Variants in DPP10 observed in about 807,000 individuals in gnomAD.
DPP10 encodes the protein dipeptidyl peptidase like 10, also known as inactive dipeptidyl peptidase 10.
In DPP10, 33 loss-of-function variants were observed where a neutral mutation model predicts 120.9. That is an observed-to-expected ratio of 0.27 (90% CI 0.21 to 0.37). The LOEUF (loss-of-function observed/expected upper bound fraction) is 0.37. Ranked by LOEUF, DPP10 falls within the 10% of genes least tolerant of loss-of-function variation. The probability of loss-of-function intolerance (pLI) is 1.00; values close to 1 mark genes in which losing one functional copy is unlikely to be tolerated. For synonymous variants in DPP10, 337 were observed against 326.1 expected (o/e 1.03, Z -0.36); for missense variants, 816 against 942.8 (o/e 0.87, Z 1.76).
intron 5 of DPP10, among the ~76,000 whole-genome samples, chr2:115,560,592 T>G: frequency 6.8e-6 from 1 of 148,022 alleles, no homozygotes; most frequent in Admixed American, 6.8e-5. Flanking sequence ...CCTAGGTAGT[T>G]TGGTAGTTTC....
intron 3 of DPP10, among the ~76,000 whole-genome samples, chr2:115,344,486 C>G (rs1424759842): frequency 6.6e-6 from 1 of 151,730 alleles, no homozygotes; most frequent in Non-Finnish European, 1.5e-5. Context: ...TGTGGCTTTT[C>G]TTTTTAAGCT....
At chr2:114,544,529 T>C (rs1272419150) in intron 1 of DPP10, among the ~76,000 whole-genome samples, 1 of 152,194 alleles carries the variant, frequency 6.6e-6, no homozygotes, top group Non-Finnish European at 1.5e-5. Context: ...AAGAAGGTGA[T>C]ATTGTTAATG....
chr2:115,594,081 A>G (rs1274569746), intron 5 of DPP10, among the ~76,000 whole-genome samples: 1 of 152,148 alleles, frequency 6.6e-6, no homozygotes, highest in Admixed American at 6.5e-5. Flanking sequence ...CTGCAAAGTA[A>G]CCATGTAGAC....
intron 3 of DPP10, among the ~76,000 whole-genome samples, chr2:115,485,597 G>T (rs2075729488): frequency 1.3e-5 from 2 of 151,778 alleles, no homozygotes; most frequent in African/African-American, 4.8e-5. Flanking sequence ...TTACTTTATG[G>T]TTTAATTATA....
intron 1 of DPP10, among the ~76,000 whole-genome samples, chr2:114,956,366 A>G (rs575852064): frequency 6.6e-6 from 1 of 152,030 alleles, no homozygotes; most frequent in Admixed American, 6.6e-5. Flanking sequence ...AATTTAAAAA[A>G]AAAACATGTA....
intron 2 of DPP10, among the ~76,000 whole-genome samples, chr2:115,323,407 C>T (rs1454628070): frequency 6.6e-6 from 1 of 152,198 alleles, no homozygotes; most frequent in Non-Finnish European, 1.5e-5. Flanking sequence ...ATTTCCTGCA[C>T]TGAAGTCTTG....
intron 1 of DPP10, among the ~76,000 whole-genome samples, chr2:114,718,650 T>A (rs958449857): frequency 1.3e-5 from 2 of 152,094 alleles, no homozygotes; most frequent in Admixed American, 6.6e-5. Flanking sequence ...GTTAAACAAA[T>A]CTGTTCAAGG....
intron 1 of DPP10, among the ~76,000 whole-genome samples, chr2:114,997,041 G>C (rs940966430): frequency 1.3e-5 from 2 of 151,526 alleles, no homozygotes; most frequent in African/African-American, 4.9e-5. Flanking sequence ...TTTTCTGAGG[G>C]GGTCATTGGG....
chr2:114,847,815 T>C (rs1688661127), intron 1 of DPP10, among the ~76,000 whole-genome samples: 2 of 152,186 alleles, frequency 1.3e-5, no homozygotes, highest in South Asian at 4.1e-4. Flanking sequence ...AAATAAATAA[T>C]AAGACAGTGC....
chr2:114,821,727 A>C (rs1686104115), intron 1 of DPP10, among the ~76,000 whole-genome samples: 1 of 152,204 alleles, frequency 6.6e-6, no homozygotes, highest in South Asian at 2.1e-4. Context: ...ATTGGCCAAA[A>C]CAAAGGGGCT....
intron 1 of DPP10, among the ~76,000 whole-genome samples, chr2:114,739,303 C>A (rs1040899229): frequency 6.6e-6 from 1 of 152,088 alleles, no homozygotes; most frequent in African/African-American, 2.4e-5. Flanking sequence ...CATCATTTGT[C>A]AATTCATATA....
intron 1 of DPP10, among the ~76,000 whole-genome samples, chr2:115,165,654 G>C (rs547989595): frequency 2.2e-4 from 34 of 152,138 alleles, no homozygotes; most frequent in Non-Finnish European, 4.4e-4. Context: ...TGTTAAATGA[G>C]TATATATATA....
intron 1 of DPP10, among the ~76,000 whole-genome samples, chr2:115,244,407 T>C (rs2058438826): frequency 6.6e-6 from 1 of 151,860 alleles, no homozygotes; most frequent in African/African-American, 2.4e-5. Flanking sequence ...AATATAAAAA[T>C]GTTTCTGGCA....
chr2:114,601,761 A>AT (rs1219282517), intron 1 of DPP10, among the ~76,000 whole-genome samples: 1 of 151,914 alleles, frequency 6.6e-6, no homozygotes, highest in Non-Finnish European at 1.5e-5. Context: ...TATTTGGAAA[A>AT]TTGATGAGGG....
At chr2:115,070,618 T>C (rs1180227994) in intron 1 of DPP10, among the ~76,000 whole-genome samples, 1 of 152,188 alleles carries the variant, frequency 6.6e-6, no homozygotes, top group African/African-American at 2.4e-5. Flanking sequence ...TACCATAGTA[T>C]TGACTATCAA....
intron 1 of DPP10, among the ~76,000 whole-genome samples, chr2:114,914,230 A>G (rs1694603454): frequency 6.6e-6 from 1 of 152,246 alleles, no homozygotes; most frequent in Non-Finnish European, 1.5e-5. Flanking sequence ...ATGCTATACA[A>G]TATGACCATC....
At chr2:114,663,928 T>A (rs1014388329) in intron 1 of DPP10, among the ~76,000 whole-genome samples, 1 of 102,158 alleles carries the variant, frequency 9.8e-6, no homozygotes, top group Non-Finnish European at 1.7e-5. Flanking sequence ...ATCATAGATA[T>A]TATTATTAAT....
At chr2:114,549,213 C>T (rs891401395) in intron 1 of DPP10, among the ~76,000 whole-genome samples, 5 of 151,950 alleles carry the variant, frequency 3.3e-5, no homozygotes, top group South Asian at 2.1e-4. Context: ...GCTTCTTTCT[C>T]GGTGTCGTAT....
rs1257480928 is a variant in DPP10 at position 114,484,752 on chromosome 2, A to C, written c.60+41914A>C. 3.3e-5 allele frequency among the ~76,000 whole-genome samples: 5 copies of C among 152,300 alleles called. No individual in the cohort carries two copies. In the South Asian group the frequency reaches 8.3e-4, roughly 25 times the overall value. On this transcript the variant is annotated intron_variant, in intron 1 of 25. Transcript: ENST00000410059. Reference sequence around the variant, plus strand: ...TCATATAGTGTTCATTAGACTTTGAAAGACATTGACATATATACAATCATA... The same window carrying C: ...TCATATAGTGTTCATTAGACTTTGACAGACATTGACATATATACAATCATA...
Sources: gnomAD v4.1 joint callset for allele counts (sites outside exome capture counted in the v4.1 genomes callset) on GRCh38, gnomAD v4.1.1 for gene constraint, MANE v1.5 for transcripts, NCBI Gene and HGNC (gene_info 2026-07-23, HGNC 2026-07-21) for gene names.